DCAF5: variants seen among roughly 807,000 people sequenced by gnomAD.
DCAF5 encodes the protein DDB1- and CUL4-associated factor 5.
DCAF5 carries 9 observed loss-of-function variants against 80.7 expected under a neutral mutation model. The ratio of observed to expected loss-of-function variants is 0.11; its 90% CI spans 0.07 to 0.19. DCAF5 has a LOEUF of 0.19. DCAF5 is among the 10% of genes least tolerant of loss of function. The pLI is 1.00. For synonymous variants in DCAF5, 433 were observed against 461.9 expected (o/e 0.94, Z 0.80); for missense variants, 842 against 1,205.7 (o/e 0.70, Z 4.47).
chr14:69,053,922 GC>G lies in DCAF5; in HGVS notation c.2763del (p.Arg921SerfsTer20). The G allele has an allele frequency of 6.2e-7, 1 of 1,611,000 alleles. No individual in the cohort carries two copies. The highest frequency in any genetic ancestry group is 8.5e-7 in the Non-Finnish European group (1 of 1,179,298). ...TCTGTATCTTCCAATTCAATTCGTTGCCTTTTGAGGCCACTGTGGCCATGAA... is the reference window on the plus strand; with the variant it reads ...TCTGTATCTTCCAATTCAATTCGTTGCTTTTGAGGCCACTGTGGCCATGAA... ...RAVHGHSGLKRQRIELEDTDS... is the reference protein window; with the variant it reads ...RAVHGHSGLKXQRIELEDTDS... On this transcript the variant is annotated frameshift_variant, in exon 9 of 9. Coordinates refer to ENST00000341516, the MANE Select transcript of DCAF5 (RefSeq NM_003861.3). LOFTEE classifies it high-confidence loss of function.
Position 69,054,153 on chromosome 14 carries a change from G to T in DCAF5, c.2533C>A (p.His845Asn), listed in dbSNP as rs199498666. Residue 845 changes from histidine to asparagine, a missense_variant, in exon 9 of 9, where the codon CAC becomes AAC. This residue lies in a region of DCAF5 where 607 missense variants were observed against 656.6 expected (regional missense o/e 0.92). Coordinates refer to ENST00000341516, the MANE Select transcript of DCAF5 (RefSeq NM_003861.3). ...TCCCCCAAGTTCTGCCCGTTATTGT[G>T]AGGGTGAGGGGGACGAGGGTGTAAG... ...GRLHPRPPHP[H>N]NNGQNLGELE... 4.5e-5 allele frequency: 73 copies of T among 1,614,160 alleles called. 1 individual carries two copies. The highest frequency in any genetic ancestry group is 5.6e-5 in the Non-Finnish European group (66 of 1,180,060).
chr14:69,076,056 A>G (rs1015144195), intron 6 of DCAF5, among the ~76,000 whole-genome samples: 3 of 152,170 alleles, frequency 2.0e-5, no homozygotes, highest in African/African-American at 7.2e-5. Context: ...TAATAATTAG[A>G]AAAATGCAAA....
intron 6 of DCAF5, among the ~76,000 whole-genome samples, chr14:69,076,646 C>T (rs1053575817): frequency 1.3e-5 from 2 of 152,060 alleles, no homozygotes; most frequent in African/African-American, 2.4e-5. Flanking sequence ...GAAGAGTTAG[C>T]GTTTGTTGGG....
In DCAF5 at chr14:69,054,041, T is replaced by C; in HGVS notation, c.2645A>G (p.Asp882Gly). The change falls in exon 9 of 9, where the codon GAT becomes GGT. Residue 882 changes from aspartate to glycine, a missense_variant. Asp to Gly is a moderately conservative substitution (Grantham distance 94). This residue lies in a region of DCAF5 where 607 missense variants were observed against 656.6 expected (regional missense o/e 0.92). Coordinates refer to ENST00000341516, the MANE Select transcript of DCAF5 (RefSeq NM_003861.3). ...ACAGGCCATTTCAGACCCGCAACAATCTTTGTGTAGGAGTGTCCCTGTCAG... is the reference window on the plus strand; with the variant it reads ...ACAGGCCATTTCAGACCCGCAACAACCTTTGTGTAGGAGTGTCCCTGTCAG... ...SSLTGTLLHKDCCGSEMACET... is the reference protein window; with the variant it reads ...SSLTGTLLHKGCCGSEMACET... 1 of 1,613,162 alleles carries C rather than the reference T, an allele frequency of 6.2e-7. No homozygotes were observed. Among genetic ancestry groups the C allele is most frequent in the Non-Finnish European group, 8.5e-7 (1 of 1,179,172 alleles).
intron 5 of DCAF5, among the ~76,000 whole-genome samples, chr14:69,112,880 T>C (rs2040419691): frequency 6.6e-6 from 1 of 152,190 alleles, no homozygotes; most frequent in African/African-American, 2.4e-5. Context: ...AACCAAGAAG[T>C]ATGGCTTCAG....
rs560846585 is a variant in DCAF5, at chr14:69,113,100, T to C, written c.665+3266A>G. Among the ~76,000 whole-genome samples the C allele has an allele frequency of 7.9e-5, 12 of 152,232 alleles. No individual in the cohort carries two copies. In the South Asian group the frequency reaches 1.2e-3, roughly 16 times the overall value. On this transcript the variant is annotated intron_variant, in intron 5 of 8. Transcript: ENST00000341516. ...TGGGACAAAAATGACTCTCCTCCTATACCTTCAGGCTACCAAGTGGAGAGG... is the reference window on the plus strand; with the variant it reads ...TGGGACAAAAATGACTCTCCTCCTACACCTTCAGGCTACCAAGTGGAGAGG...
chr14:69,104,876 G>A (rs2040082595), intron 5 of DCAF5, among the ~76,000 whole-genome samples: 3 of 151,414 alleles, frequency 2.0e-5, no homozygotes, highest in South Asian at 4.2e-4. Context: ...AAAAAAGTGA[G>A]AGACAGGGGT....
chr14:69,133,555 G>C (rs989093389), intron 1 of DCAF5, among the ~76,000 whole-genome samples: 2 of 151,984 alleles, frequency 1.3e-5, no homozygotes, highest in East Asian at 1.9e-4. Context: ...GGGAAGAGGC[G>C]GGGGTACAGG....
At chr14:69,141,823 C>A (rs1015867239) in intron 1 of DCAF5, among the ~76,000 whole-genome samples, 2 of 152,204 alleles carry the variant, frequency 1.3e-5, no homozygotes, top group African/African-American at 4.8e-5. Flanking sequence ...TATGTGGATC[C>A]ATTATAAACC....
chr14:69,075,639 G>A (rs889545650), intron 6 of DCAF5, among the ~76,000 whole-genome samples: 2 of 152,052 alleles, frequency 1.3e-5, no homozygotes, highest in Admixed American at 6.6e-5. Context: ...ACGCCACCAC[G>A]CCCAGCTAAT....
chr14:69,079,198 T>C (rs557620808), intron 6 of DCAF5, among the ~76,000 whole-genome samples: 2 of 152,328 alleles, frequency 1.3e-5, no homozygotes, highest in East Asian at 3.9e-4. Flanking sequence ...TTCCTATTTG[T>C]TCGGCTATTC....
chr14:69,091,119 A>T, intron 6 of DCAF5: 1 of 756,596 alleles, frequency 1.3e-6, no homozygotes, highest in Non-Finnish European at 2.4e-6. Context: ...AAAAGGCTGG[A>T]AACTCACAGC....
At chr14:69,141,713 C>A (rs1314783584) in intron 1 of DCAF5, among the ~76,000 whole-genome samples, 3 of 152,120 alleles carry the variant, frequency 2.0e-5, no homozygotes, top group Non-Finnish European at 4.4e-5. Flanking sequence ...ACCTAATGAA[C>A]CTTATTAAGT....
intron 6 of DCAF5, chr14:69,083,543 G>C (rs1323556803): frequency 2.7e-6 from 1 of 374,074 alleles, no homozygotes; most frequent in Non-Finnish European, 5.1e-6. Flanking sequence ...GAAACAACGG[G>C]AGGTGGAAAG....
At chr14:69,139,253 G>A (rs2140109391) in intron 1 of DCAF5, among the ~76,000 whole-genome samples, 1 of 152,076 alleles carries the variant, frequency 6.6e-6, no homozygotes, top group East Asian at 1.9e-4. Flanking sequence ...TTGGGAGGCA[G>A]GGTGGGAAGA....
intron 5 of DCAF5, among the ~76,000 whole-genome samples, chr14:69,111,599 T>C (rs1221579219): frequency 6.6e-6 from 1 of 151,960 alleles, no homozygotes; most frequent in South Asian, 2.1e-4. Context: ...ATGAGACAAG[T>C]AGAGTGAGAG....
At chr14:69,089,517 T>C (rs983312350) in intron 6 of DCAF5, 7 of 152,146 alleles carry the variant, frequency 4.6e-5, no homozygotes, top group Non-Finnish European at 7.4e-5. Flanking sequence ...ATAGGACAAG[T>C]CACAAATAAT....
intron 2 of DCAF5, among the ~76,000 whole-genome samples, chr14:69,120,668 G>A (rs2040691166): frequency 6.6e-6 from 1 of 152,148 alleles, no homozygotes; most frequent in African/African-American, 2.4e-5. Context: ...ATATGGCCCA[G>A]GGCATCTTAA....
At position 69,127,194 on chromosome 14, in the gene DCAF5, T is replaced by C. The variant is rs114412040; in HGVS notation, c.215-4834A>G. ...ACAAAGACCTGTACATGGATTTATT[T>C]TACAACAGCTTTATTTACAATTGCC... is the stretch of plus-strand genomic sequence containing the variant. On this transcript the variant is annotated intron_variant, in intron 1 of 8. Coordinates refer to ENST00000341516, the MANE Select transcript of DCAF5 (RefSeq NM_003861.3). Among the ~76,000 whole-genome samples, 598 of 152,348 alleles carry C rather than the reference T, an allele frequency of 3.9e-3. 6 individuals are homozygous for C. Among genetic ancestry groups the C allele is most frequent in the African/African-American group, 0.014 (577 of 41,580 alleles).
Sources: allele counts gnomAD v4.1 joint callset (sites outside exome capture counted in the v4.1 genomes callset), GRCh38; gene constraint gnomAD v4.1.1; regional missense constraint gnomAD v4.1.1; transcripts MANE v1.5; gene names NCBI Gene and HGNC (gene_info 2026-07-23, HGNC 2026-07-21).